Variants in UGT2B7 observed in about 807,000 individuals in gnomAD.
The protein encoded by UGT2B7 is UDP glucuronosyltransferase family 2 member B7, also known as UDP-glucuronosyltransferase 2B7.
Under a neutral mutation model 51.9 loss-of-function variants are expected in UGT2B7, and 51 were observed. The ratio of observed to expected loss-of-function variants is 0.98; its 90% CI spans 0.78 to 1.24. The LOEUF is 1.24. Among genes scored for constraint, UGT2B7 ranks in the 50% most tolerant of loss-of-function variants. The pLI is 0.00. For synonymous variants in UGT2B7, 225 were observed against 211.6 expected (o/e 1.06, Z -0.55); for missense variants, 727 against 628.4 (o/e 1.16, Z -1.68).
At chr4:69,057,299 C>T (rs569638981) in intron 1 of UGT2B7, among the ~76,000 whole-genome samples, 82 of 152,256 alleles carry the variant, frequency 5.4e-4, no homozygotes, top group African/African-American at 1.9e-3. Context: ...TTCTACAACT[C>T]GGTGTCTGAG....
At chr4:69,093,360 C>G (rs1297911219), upstream of UGT2B7, among the ~76,000 whole-genome samples, 1 of 152,214 alleles carries the variant, frequency 6.6e-6, no homozygotes, top group African/African-American at 2.4e-5. Flanking sequence ...GCCCACCCCA[C>G]GCGGCTGAGA....
chr4:69,096,594 A>C lies in UGT2B7; in HGVS notation c.74A>C (p.Lys25Thr). 2 of 1,614,018 alleles carry C rather than the reference A, an allele frequency of 1.2e-6. No homozygotes were observed. Among genetic ancestry groups the C allele is most frequent in the Non-Finnish European group, 1.7e-6 (2 of 1,179,902 alleles). The change falls in exon 1 of 6, where the codon AAG (lysine) becomes ACG (threonine). Residue 25 changes from lysine (K) to threonine (T), a missense_variant. By Grantham distance (78) the Lys-to-Thr change is moderately conservative. Transcript: ENST00000305231. The part of the protein sequence containing the change: ...SFCFSSGNCG[K>T]VLVWAAEYSH... ...TGCTTTAGCTCTGGGAATTGTGGAA[A>C]GGTGCTGGTGTGGGCAGCAGAATAC...
chr4:69,058,682 A>G (rs983507440), intron 1 of UGT2B7, among the ~76,000 whole-genome samples: 24 of 151,920 alleles, frequency 1.6e-4, no homozygotes, highest in Non-Finnish European at 3.4e-4. Flanking sequence ...CAAAAATTGC[A>G]GAAAATGGAA....
intron 5 of UGT2B7, 102 bp downstream of exon 5, chr4:69,108,424 A>C: frequency 7.4e-7 from 1 of 1,351,724 alleles, no homozygotes. Context: ...TAATTTTGAA[A>C]GAATTTAAAT....
intron 1 of UGT2B7, among the ~76,000 whole-genome samples, chr4:69,055,053 A>T (rs1436957098): frequency 7.2e-6 from 1 of 139,212 alleles, no homozygotes; most frequent in Non-Finnish European, 1.5e-5. Context: ...GCCTCCCATG[A>T]TTAAGGACTG....
In UGT2B7 at chr4:69,064,114, A is replaced by AAAGAAAGAAAGAAAGAAAG. The variant is rs1560499815; in HGVS notation, c.-159+12513_-159+12514insAGAAAGAAAGAAAGAAAGA. On this transcript the variant is annotated intron_variant, in intron 1 of 5. Coordinates refer to the UGT2B7 transcript ENST00000502942. ...AAAGAAAGAGAAAGAAAGAAAGAAA[A>AAAGAAAGAAAGAAAGAAAG]AGAAAGAAAGAAAGAAAGAAAGAAA... Among the ~76,000 whole-genome samples the AAAGAAAGAAAGAAAGAAAG allele has an allele frequency of 4.5e-4, 55 of 123,114 alleles. 2 individuals are homozygous for AAAGAAAGAAAGAAAGAAAG. The highest frequency in any genetic ancestry group is 1.7e-3 in the African/African-American group (50 of 29,490). 80.8% of individuals were successfully genotyped at this position (123,114 alleles called of 152,430 possible).
At chr4:69,075,844 T>C (rs1304709261) in intron 1 of UGT2B7, among the ~76,000 whole-genome samples, 2 of 152,208 alleles carry the variant, frequency 1.3e-5, no homozygotes, top group African/African-American at 4.8e-5. Flanking sequence ...GATTGCTACA[T>C]AGGTATACAT....
intron 1 of UGT2B7, among the ~76,000 whole-genome samples, chr4:69,064,687 T>C (rs930638626): frequency 7.2e-5 from 11 of 152,170 alleles, no homozygotes; most frequent in Non-Finnish European, 1.5e-4. Flanking sequence ...AGTGCTGTCT[T>C]TGTTGGGGCC....
chr4:69,069,275 G>A (rs1406580384), intron 1 of UGT2B7, among the ~76,000 whole-genome samples: 1 of 151,938 alleles, frequency 6.6e-6, no homozygotes, highest in Non-Finnish European at 1.5e-5. Flanking sequence ...AGATTTGTCT[G>A]CTATCTCTAG....
intron 5 of UGT2B7, among the ~76,000 whole-genome samples, chr4:69,111,281 T>C (rs114288043): frequency 6.6e-6 from 1 of 152,144 alleles, no homozygotes; most frequent in African/African-American, 2.4e-5. Flanking sequence ...GATTTTATTC[T>C]AAAAATAATG....
chr4:69,096,753 C>A lies in UGT2B7; in HGVS notation c.233C>A (p.Pro78His), dbSNP rs763690111. 6.2e-7 allele frequency: 1 copy of A among 1,613,970 alleles called. No individual in the cohort carries two copies. The highest frequency in any genetic ancestry group is 1.1e-5 in the South Asian group (1 of 91,076). ...TCCGCTCTTAAAATTGAAATTTATCCCACATCTTTAACTAAAACTGAGTTG... is the reference window on the plus strand; with the variant it reads ...TCCGCTCTTAAAATTGAAATTTATCACACATCTTTAACTAAAACTGAGTTG... ...NSSALKIEIY[P>H]TSLTKTELEN... is the part of the protein sequence containing the mutation. The change falls in exon 1 of 6, where the codon CCC becomes CAC. Residue 78 changes from proline to histidine, a missense_variant. Pro to His is a moderately conservative substitution (Grantham distance 77, BLOSUM62 -2). Transcript: ENST00000305231.
chr4:69,069,731 T>G (rs1467729789), intron 1 of UGT2B7: 1 of 152,600 alleles, frequency 6.6e-6, no homozygotes, highest in Non-Finnish European at 1.5e-5. Flanking sequence ...ATTGAGTTTG[T>G]CATGCACCAC....
At chr4:69,103,025 A>T (rs1719473742) in intron 3 of UGT2B7, 87 bp downstream of exon 3, 1 of 1,539,956 alleles carries the variant, frequency 6.5e-7, no homozygotes, top group African/African-American at 1.4e-5. Flanking sequence ...ACTTCTGATA[A>T]ATGTGAAGTT....
chr4:69,071,129 C>G (rs1317390256), intron 1 of UGT2B7, among the ~76,000 whole-genome samples: 1 of 151,982 alleles, frequency 6.6e-6, no homozygotes, highest in Non-Finnish European at 1.5e-5. Context: ...AAAGAAGAGG[C>G]TAGTTCCCTC....
In UGT2B7 at chr4:69,102,858, T is replaced by G. The variant is rs1719465017; in HGVS notation, c.922T>G (p.Ser308Ala). ...TGGAGAAAATGGTGTTGTGGTGTTT[T>G]CTCTGGGGTCAATGGTCAGTAACAT... The part of the protein sequence containing the change: ...SSGENGVVVF[S>A]LGSMVSNMTE... The change falls in exon 3 of 6, where the codon TCT becomes GCT. Residue 308 changes from serine to alanine, a missense_variant. Transcript: ENST00000305231. 6.2e-7 allele frequency: 1 copy of G among 1,613,570 alleles called. No homozygotes were observed. The highest frequency in any genetic ancestry group is 1.3e-5 in the African/African-American group (1 of 74,860).
chr4:69,096,585 A>G lies in UGT2B7; in HGVS notation c.65A>G (p.Asn22Ser). 1 of 1,613,928 alleles carries G rather than the reference A, an allele frequency of 6.2e-7. No homozygotes were observed. Among genetic ancestry groups the G allele is most frequent in the Non-Finnish European group, 8.5e-7 (1 of 1,179,862 alleles). The change falls in exon 1 of 6, where the codon AAT (asparagine) becomes AGT (serine). Residue 22 changes from asparagine (N) to serine (S), a missense_variant. Coordinates refer to ENST00000305231, the MANE Select transcript of UGT2B7 (RefSeq NM_001074.4). ...CTGAGCTTTTGCTTTAGCTCTGGGA[A>G]TTGTGGAAAGGTGCTGGTGTGGGCA... ...IQLSFCFSSG[N>S]CGKVLVWAAE...
At chr4:69,072,199 C>A (rs115699502) in intron 1 of UGT2B7, among the ~76,000 whole-genome samples, 3,504 of 152,110 alleles carry the variant, frequency 0.023, 139 homozygotes, top group African/African-American at 0.08. Context: ...CAATATTGTG[C>A]ATGTGTCTGT....
chr4:69,053,695 A>G (rs1160277271), intron 1 of UGT2B7, among the ~76,000 whole-genome samples: 4 of 152,154 alleles, frequency 2.6e-5, no homozygotes, highest in Non-Finnish European at 5.9e-5. Flanking sequence ...CTCTCACAGC[A>G]GGGAGGAGAC....
chr4:69,084,007 T>G (rs1718893779), intron 1 of UGT2B7, among the ~76,000 whole-genome samples: 1 of 152,114 alleles, frequency 6.6e-6, no homozygotes, highest in Non-Finnish European at 1.5e-5. Flanking sequence ...TGATGTTACC[T>G]GTGCATTTGT....
Sources: gnomAD v4.1 joint callset for allele counts (sites outside exome capture counted in the v4.1 genomes callset) on GRCh38, gnomAD v4.1.1 for gene constraint, MANE v1.5 for transcripts, NCBI Gene and HGNC (gene_info 2026-07-23, HGNC 2026-07-21) for gene names.